The following IMMP2L variants were observed in gnomAD, a reference collection of about 807,000 sequenced individuals.
IMMP2L encodes the protein inner mitochondrial membrane peptidase subunit 2.
A neutral mutation model predicts 19.3 loss-of-function variants in IMMP2L; 18 were observed. That is an observed-to-expected ratio of 0.93 (90% CI 0.64 to 1.38). The LOEUF (loss-of-function observed/expected upper bound fraction) is 1.38. IMMP2L is among the 40% of genes most tolerant of loss of function. The pLI, the probability that IMMP2L is intolerant of heterozygous loss-of-function variation, is 0.00. For synonymous variants in IMMP2L, 76 were observed against 73.0 expected, an observed-to-expected ratio of 1.04 and a Z score of -0.21; for missense variants, 233 against 218.2, an observed-to-expected ratio of 1.07 and a Z score of -0.43.
intron 3 of IMMP2L, among the ~76,000 whole-genome samples, chr7:111,434,867 T>C (rs1836995463): frequency 6.6e-6 from 1 of 151,942 alleles, no homozygotes; most frequent in South Asian, 2.1e-4. Flanking sequence ...ACAGCCATTT[T>C]TCAAAAGAAG....
intron 5 of IMMP2L, among the ~76,000 whole-genome samples, chr7:110,880,205 T>G (rs1395106157): frequency 1.3e-5 from 2 of 152,078 alleles, no homozygotes; most frequent in Admixed American, 6.6e-5. Flanking sequence ...TGTCTAAAAG[T>G]GTAGTTATCA....
At chr7:110,824,295 G>A (rs1178863040) in intron 5 of IMMP2L, among the ~76,000 whole-genome samples, 2 of 151,908 alleles carry the variant, frequency 1.3e-5, no homozygotes, top group African/African-American at 2.4e-5. Context: ...CCAGTTTCTA[G>A]GCATTTGTCT....
At chr7:110,858,027 C>CT (rs1806988282) in intron 5 of IMMP2L, among the ~76,000 whole-genome samples, 1 of 152,172 alleles carries the variant, frequency 6.6e-6, no homozygotes, top group African/African-American at 2.4e-5. Flanking sequence ...AAACAGATGC[C>CT]TAACTACAGC....
Position 111,123,408 on chromosome 7 carries a change from C to A in IMMP2L, c.240-159843G>T. ...AAGACATGAACTTTAAGCCTCTTATCAATCTTCGCAGCCTGGTTATAGCTG... is the reference window on the plus strand; with the variant it reads ...AAGACATGAACTTTAAGCCTCTTATAAATCTTCGCAGCCTGGTTATAGCTG... On this transcript the variant is annotated intron_variant, in intron 3 of 5. Transcript: ENST00000405709. The surrounding 1 kb of genome is among the most constrained non-coding windows in gnomAD (Gnocchi z 6.4). The A allele has an allele frequency of 6.2e-7, 1 of 1,613,598 alleles. No homozygotes were observed. Among genetic ancestry groups the A allele is most frequent in the Non-Finnish European group, 8.5e-7 (1 of 1,179,872 alleles).
intron 3 of IMMP2L, among the ~76,000 whole-genome samples, chr7:111,002,264 G>A (rs1186393172): frequency 6.6e-6 from 1 of 152,096 alleles, no homozygotes; most frequent in African/African-American, 2.4e-5. Context: ...AGCCCAGAGG[G>A]ATAAGTAAGC....
intron 3 of IMMP2L, among the ~76,000 whole-genome samples, chr7:111,005,959 A>T (rs958053276): frequency 1.3e-5 from 2 of 148,650 alleles, no homozygotes; most frequent in African/African-American, 2.5e-5. Flanking sequence ...TAATTTCAGA[A>T]AGGCCAGGTT....
chr7:110,798,720 T>C (rs1451830315), intron 5 of IMMP2L, among the ~76,000 whole-genome samples: 2 of 151,946 alleles, frequency 1.3e-5, no homozygotes, highest in East Asian at 3.9e-4. Flanking sequence ...TTATATTTAT[T>C]TCTGAGTTTT....
At chr7:111,103,628 GTAAGTT>G (rs1180042660) in intron 3 of IMMP2L, among the ~76,000 whole-genome samples, 5 of 151,588 alleles carry the variant, frequency 3.3e-5, no homozygotes, top group African/African-American at 4.8e-5. Context: ...ATTTTCACCT[GTAAGTT>G]TAAGTTACAG....
At chr7:110,729,183 G>A (rs531846361) in intron 5 of IMMP2L, among the ~76,000 whole-genome samples, 3 of 152,198 alleles carry the variant, frequency 2.0e-5, no homozygotes, top group East Asian at 1.9e-4. Context: ...GTGCCCAGCC[G>A]TATTAGTCTG....
Position 111,472,406 on chromosome 7 carries a change from AG to A in IMMP2L, c.239+14831del, listed in dbSNP as rs1841350884. 3.9e-5 allele frequency among the ~76,000 whole-genome samples: 6 copies of A among 152,162 alleles called. 1 individual carries two copies. Among genetic ancestry groups the A allele is most frequent in the South Asian group, 2.1e-4 (1 of 4,836 alleles). ...AATGTAATATTCATACAAAATTAAAAGTTATATTCAAAATATAGCTATAGTA... is the reference window on the plus strand; with the variant it reads ...AATGTAATATTCATACAAAATTAAAATTATATTCAAAATATAGCTATAGTA... On this transcript the variant is annotated intron_variant, in intron 3 of 5. Transcript: ENST00000405709.
chr7:111,337,277 T>C (rs1826522987), intron 3 of IMMP2L, among the ~76,000 whole-genome samples: 1 of 152,116 alleles, frequency 6.6e-6, no homozygotes, highest in Admixed American at 6.6e-5. Flanking sequence ...CAAATAGATA[T>C]TGATTTGCCT....
intron 3 of IMMP2L, among the ~76,000 whole-genome samples, chr7:111,070,483 A>T (rs1243894317): frequency 6.6e-6 from 1 of 152,224 alleles, no homozygotes; most frequent in Non-Finnish European, 1.5e-5. Context: ...TAAAAATGTT[A>T]TCTGTCTAGA....
chr7:110,985,545 G>A (rs978530159), intron 3 of IMMP2L, among the ~76,000 whole-genome samples: 3 of 152,124 alleles, frequency 2.0e-5, no homozygotes, highest in Non-Finnish European at 1.5e-5. Context: ...CATAGTTATA[G>A]TTGATGATAT....
At chr7:110,792,660 A>T (rs549491790) in intron 5 of IMMP2L, among the ~76,000 whole-genome samples, 2 of 152,210 alleles carry the variant, frequency 1.3e-5, no homozygotes, top group East Asian at 3.9e-4. Context: ...TTATTCTTCC[A>T]TGAACCTTTT....
At position 110,943,057 on chromosome 7, in the gene IMMP2L, A is replaced by G. The variant is rs367919774; in HGVS notation, c.305+20443T>C. On this transcript the variant is annotated intron_variant, in intron 4 of 5. Transcript: ENST00000405709. ...CCTGAACAGTATACCTTTACTTATG[A>G]GACTAAAAAGTAATACTAATAGAAA... Among the ~76,000 whole-genome samples the G allele has an allele frequency of 2.1e-3, 315 of 152,124 alleles. 2 individuals are homozygous for G. Among genetic ancestry groups the G allele is most frequent in the African/African-American group, 7.2e-3 (299 of 41,566 alleles).
intron 5 of IMMP2L, among the ~76,000 whole-genome samples, chr7:110,664,308 G>T (rs964352103): frequency 6.6e-6 from 1 of 151,996 alleles, no homozygotes; most frequent in African/African-American, 2.4e-5. Context: ...TGTGAGACTG[G>T]GTGGGCTGTC....
intron 2 of IMMP2L, among the ~76,000 whole-genome samples, chr7:111,501,549 A>C (rs1189440625): frequency 6.6e-6 from 1 of 152,198 alleles, no homozygotes; most frequent in Non-Finnish European, 1.5e-5. Context: ...AAATGAAGGA[A>C]AAAATGTTAA....
rs537446622 is a variant in IMMP2L, at chr7:111,214,518, T to G, written c.240-250953A>C. ...CCACCAAATCTGTTTTTTTTTTTTT[T>G]TTTTTTTTTAATGTAGTAGAGACAG... is the stretch of plus-strand genomic sequence containing the variant. On this transcript the variant is annotated intron_variant, in intron 3 of 5. Coordinates refer to ENST00000405709, the MANE Select transcript of IMMP2L (RefSeq NM_032549.4). Among the ~76,000 whole-genome samples the G allele has an allele frequency of 1.2e-4, 18 of 144,714 alleles. 1 individual carries two copies. Among genetic ancestry groups the G allele is most frequent in the East Asian group, 4.0e-4 (2 of 4,996 alleles). 94.9% of individuals were successfully genotyped at this position (144,714 alleles called of 152,430 possible). A position where few individuals can be genotyped will look rare whatever the true frequency, so the allele number is the denominator to read the frequency against.
intron 5 of IMMP2L, among the ~76,000 whole-genome samples, chr7:110,884,194 T>A (rs258973): frequency 0.055 from 8,436 of 152,092 alleles, 318 homozygotes; most frequent in African/African-American, 0.088. Context: ...TAATCAGTTA[T>A]TTTGTGTGCT....
Sources: gnomAD v4.1 joint callset for allele counts (sites outside exome capture counted in the v4.1 genomes callset) on GRCh38, gnomAD v4.1.1 for gene constraint, Gnocchi (gnomAD v3.1) non-coding constraint, MANE v1.5 for transcripts, NCBI Gene and HGNC (gene_info 2026-07-23, HGNC 2026-07-21) for gene names.